The following GRM1 variants were observed in gnomAD, a reference collection of about 807,000 sequenced individuals.
The protein encoded by GRM1 is metabotropic glutamate receptor 1.
Under a neutral mutation model 90.9 loss-of-function variants are expected in GRM1, and 33 were observed. The ratio of observed to expected loss-of-function variants is 0.36; its 90% confidence interval spans 0.28 to 0.49. The LOEUF (loss-of-function observed/expected upper bound fraction) is 0.49. Among genes scored for constraint, GRM1 ranks in the 20% least tolerant of loss-of-function variants. The pLI is 0.99. For synonymous variants in GRM1, 700 were observed against 613.2 expected (o/e 1.14, Z -2.09); for missense variants, 1,190 against 1,534.3 (o/e 0.78, Z 3.75).
chr6:146,043,561 A>G (rs1322187521), intron 1 of GRM1, among the ~76,000 whole-genome samples: 1 of 151,632 alleles, frequency 6.6e-6, no homozygotes, highest in African/African-American at 2.4e-5. Flanking sequence ...TTTCTCTTAA[A>G]GAGCTAACAT....
chr6:146,162,698 G>C (rs1490114640), intron 2 of GRM1, among the ~76,000 whole-genome samples: 1 of 151,956 alleles, frequency 6.6e-6, no homozygotes, highest in East Asian at 1.9e-4. Flanking sequence ...TTGACCACTT[G>C]GAATGAGCTG....
chr6:146,295,879 T>C (rs1396114123), intron 2 of GRM1, among the ~76,000 whole-genome samples: 4 of 152,132 alleles, frequency 2.6e-5, no homozygotes. Flanking sequence ...TCCTCTCCCA[T>C]CCTTCACCCT....
chr6:146,263,427 A>C (rs1474048548), intron 2 of GRM1, among the ~76,000 whole-genome samples: 1 of 152,036 alleles, frequency 6.6e-6, no homozygotes, highest in African/African-American at 2.4e-5. Context: ...ATTATTCTCT[A>C]AATGGTGAGA....
At chr6:146,128,814 T>C (rs1192694887) in intron 1 of GRM1, among the ~76,000 whole-genome samples, 8 of 152,168 alleles carry the variant, frequency 5.3e-5, no homozygotes, top group Non-Finnish European at 1.2e-4. Context: ...GAATTGTCTA[T>C]GATCATTCCA....
chr6:146,043,964 C>G (rs1791229567), intron 1 of GRM1, among the ~76,000 whole-genome samples: 1 of 151,442 alleles, frequency 6.6e-6, no homozygotes, highest in South Asian at 2.1e-4. Context: ...ATGAGAAGAT[C>G]TAGTGTGTAC....
At chr6:146,239,279 A>C (rs1780764192) in intron 2 of GRM1, among the ~76,000 whole-genome samples, 1 of 152,162 alleles carries the variant, frequency 6.6e-6, no homozygotes, top group South Asian at 2.1e-4. Flanking sequence ...TTCTCTAAAA[A>C]ATGTATCTAC....
At chr6:146,035,290 A>G (rs1489904726) in intron 1 of GRM1, among the ~76,000 whole-genome samples, 1 of 151,990 alleles carries the variant, frequency 6.6e-6, no homozygotes, top group Non-Finnish European at 1.5e-5. Context: ...AGCATGTGAC[A>G]AAGAGTTTTG....
chr6:146,386,356 C>T (rs1776502094), intron 5 of GRM1, among the ~76,000 whole-genome samples: 1 of 152,058 alleles, frequency 6.6e-6, no homozygotes, highest in Non-Finnish European at 1.5e-5. Context: ...CAGGGCAATA[C>T]TTGATTCTTC....
chr6:146,270,586 C>T (rs1659020715), intron 2 of GRM1, among the ~76,000 whole-genome samples: 1 of 152,210 alleles, frequency 6.6e-6, no homozygotes, highest in South Asian at 2.1e-4. Flanking sequence ...CCCATGACCC[C>T]CAACCCAAGG....
chr6:146,206,606 T>C (rs1779502428), intron 2 of GRM1, among the ~76,000 whole-genome samples: 1 of 147,380 alleles, frequency 6.8e-6, no homozygotes, highest in Admixed American at 6.7e-5. Context: ...GTTTGTTAGT[T>C]TCTTCAAATA....
chr6:146,432,425 A>G (rs1417956846), intron 7 of GRM1, among the ~76,000 whole-genome samples: 2 of 152,222 alleles, frequency 1.3e-5, no homozygotes, highest in African/African-American at 4.8e-5. Flanking sequence ...ATCATAAATG[A>G]TGCTCACATA....
chr6:146,350,543 C>T (rs559109398), intron 3 of GRM1, among the ~76,000 whole-genome samples: 33 of 151,610 alleles, frequency 2.2e-4, no homozygotes, highest in Admixed American at 1.9e-3. Context: ...GGGTTCTAGG[C>T]GAGCCTATAA....
intron 2 of GRM1, among the ~76,000 whole-genome samples, chr6:146,248,463 A>G (rs1227452869): frequency 1.3e-5 from 2 of 152,088 alleles, no homozygotes; most frequent in East Asian, 1.9e-4. Context: ...AGATCTGGTT[A>G]TTTGATAAGT....
At chr6:146,351,882 G>A (rs1785423379) in intron 3 of GRM1, among the ~76,000 whole-genome samples, 1 of 152,140 alleles carries the variant, frequency 6.6e-6, no homozygotes, top group African/African-American at 2.4e-5. Flanking sequence ...TGTTTTTCCA[G>A]TACCATGATA....
chr6:146,151,578 C>T (rs1032255275), intron 1 of GRM1, among the ~76,000 whole-genome samples: 1 of 152,142 alleles, frequency 6.6e-6, no homozygotes, highest in Non-Finnish European at 1.5e-5. Context: ...AAATGCAACA[C>T]AATCTGTTTC....
intron 6 of GRM1, among the ~76,000 whole-genome samples, chr6:146,395,199 G>A (rs924187870): frequency 5.9e-5 from 9 of 151,942 alleles, no homozygotes; most frequent in African/African-American, 2.2e-4. Context: ...AACTCTATCT[G>A]GAAATGTCAA....
rs1181380088 is a variant in GRM1 at position 146,159,376 on chromosome 6, T to A, written c.729T>A (p.Ala243=). 6.2e-7 allele frequency: 1 copy of A among 1,614,124 alleles called. No homozygotes were observed. Among genetic ancestry groups the A allele is most frequent in the South Asian group, 1.1e-5 (1 of 91,078 alleles). ...ATTATGGGGAGAGCGGAATGGACGC[T>A]TTCAAAGAGCTGGCTGCCCAGGAAG... The part of the protein sequence containing the change: ...EGNYGESGMD[A]FKELAAQEGL... Residue 243 remains alanine (A), a synonymous_variant, in exon 2 of 8, where the codon GCT becomes GCA. Coordinates refer to ENST00000282753, the MANE Select transcript of GRM1 (RefSeq NM_001278064.2).
Position 146,056,680 on chromosome 6 carries a change from G to A in GRM1, c.700+26463G>A, listed in dbSNP as rs9485042. 3.5e-3 allele frequency among the ~76,000 whole-genome samples: 534 copies of A among 152,138 alleles called. 3 individuals are homozygous for A. The highest frequency in any genetic ancestry group is 0.012 in the African/African-American group (512 of 41,528). ...GTAATTGAGTAGCTTTTAAACTTTC[G>A]CAACATCTGTGCTTTCACAAGGAAC... On this transcript the variant is annotated intron_variant, in intron 1 of 7. Coordinates refer to ENST00000282753, the MANE Select transcript of GRM1 (RefSeq NM_001278064.2).
chr6:146,262,618 T>C (rs550423659), intron 2 of GRM1, among the ~76,000 whole-genome samples: 45 of 152,080 alleles, frequency 3.0e-4, no homozygotes, highest in African/African-American at 9.6e-4. Context: ...CATGTATATA[T>C]TATATTTTCT....
Sources: gnomAD v4.1 joint callset for allele counts (sites outside exome capture counted in the v4.1 genomes callset) on GRCh38, gnomAD v4.1.1 for gene constraint, MANE v1.5 for transcripts, NCBI Gene and HGNC (gene_info 2026-07-23, HGNC 2026-07-21) for gene names.